CSMD1: variants seen among roughly 807,000 people sequenced by gnomAD.
The protein encoded by CSMD1 is CUB and Sushi multiple domains 1.
Under a neutral mutation model 417.5 loss-of-function variants are expected in CSMD1, and 213 were observed. The ratio of observed to expected loss-of-function variants is 0.51; its 90% CI spans 0.46 to 0.57. CSMD1 has a LOEUF of 0.57. Ranked by LOEUF, CSMD1 falls within the 20% of genes least tolerant of loss-of-function variation. CSMD1 has a pLI of 0.00. For missense variants in CSMD1, 6,923 were observed against 4,529.7 expected (o/e 1.53, Z -15.17); for synonymous variants, 2,862 against 1,736.8 (o/e 1.65, Z -16.11).
intron 2 of CSMD1, among the ~76,000 whole-genome samples, chr8:4,525,664 T>C (rs1796476641): frequency 6.6e-6 from 1 of 152,136 alleles, no homozygotes; most frequent in South Asian, 2.1e-4. Context: ...ACAACCACAA[T>C]TACTTTTGCA....
At chr8:3,488,004 C>A (rs1258324783) in intron 11 of CSMD1, among the ~76,000 whole-genome samples, 1 of 148,102 alleles carries the variant, frequency 6.8e-6, no homozygotes, top group Non-Finnish European at 1.5e-5. Flanking sequence ...AAAAAAGACC[C>A]TACAAACGCA....
chr8:3,848,395 G>A (rs541178125), intron 5 of CSMD1, among the ~76,000 whole-genome samples: 1 of 152,218 alleles, frequency 6.6e-6, no homozygotes, highest in East Asian at 1.9e-4. Flanking sequence ...CCTTCTCTAG[G>A]CATAGTTGGT....
chr8:3,388,094 G>C (rs7008479), intron 17 of CSMD1, among the ~76,000 whole-genome samples: 1 of 151,990 alleles, frequency 6.6e-6, no homozygotes, highest in African/African-American at 2.4e-5. Flanking sequence ...ATATATTCCA[G>C]TTAGATTTTG....
intron 3 of CSMD1, among the ~76,000 whole-genome samples, chr8:4,104,594 T>C (rs1257611196): frequency 6.6e-6 from 1 of 151,396 alleles, no homozygotes. Flanking sequence ...AATAATTGCA[T>C]GAGAACGGTC....
At chr8:3,674,171 G>C (rs1445955167) in intron 7 of CSMD1, among the ~76,000 whole-genome samples, 2 of 152,098 alleles carry the variant, frequency 1.3e-5, no homozygotes, top group Non-Finnish European at 2.9e-5. Context: ...TCATAATGAA[G>C]ACTTCGAGAA....
intron 12 of CSMD1, among the ~76,000 whole-genome samples, chr8:3,451,635 G>C (rs534250279): frequency 6.6e-6 from 1 of 152,028 alleles, no homozygotes. Flanking sequence ...TAGATATATG[G>C]CATTATTTCT....
At chr8:4,462,046 C>T (rs909307586) in intron 2 of CSMD1, among the ~76,000 whole-genome samples, 3 of 151,726 alleles carry the variant, frequency 2.0e-5, no homozygotes, top group African/African-American at 7.3e-5. Context: ...GGCTGCTAAT[C>T]TTATTTTTTA....
chr8:4,926,899 G>T (rs13250150), intron 1 of CSMD1, among the ~76,000 whole-genome samples: 4 of 151,722 alleles, frequency 2.6e-5, no homozygotes, highest in African/African-American at 7.3e-5. Context: ...ATGAGCAAAG[G>T]TAACTTTGTT....
At chr8:3,313,697 T>G (rs1805534561) in intron 23 of CSMD1, among the ~76,000 whole-genome samples, 1 of 152,274 alleles carries the variant, frequency 6.6e-6, no homozygotes, top group South Asian at 2.1e-4. Context: ...TCAACCATTG[T>G]GGAAGTCAGT....
intron 62 of CSMD1, among the ~76,000 whole-genome samples, chr8:2,960,485 G>C (rs1803361180): frequency 6.6e-6 from 1 of 152,196 alleles, no homozygotes; most frequent in African/African-American, 2.4e-5. Flanking sequence ...GAAGTTATGG[G>C]AGTACTTAAG....
At chr8:3,734,982 T>C (rs2129048689) in intron 6 of CSMD1, among the ~76,000 whole-genome samples, 1 of 152,300 alleles carries the variant, frequency 6.6e-6, no homozygotes, top group African/African-American at 2.4e-5. Flanking sequence ...GAGCAATAGC[T>C]CCCCTGTGGT....
At chr8:3,505,467 TAA>T (rs1223345062) in intron 10 of CSMD1, among the ~76,000 whole-genome samples, 2 of 152,116 alleles carry the variant, frequency 1.3e-5, no homozygotes, top group Non-Finnish European at 2.9e-5. Flanking sequence ...CACGACTGAT[TAA>T]AGAGTTGAGA....
At chr8:3,363,885 A>C (rs1809375527) in intron 20 of CSMD1, among the ~76,000 whole-genome samples, 1 of 152,200 alleles carries the variant, frequency 6.6e-6, no homozygotes, top group East Asian at 1.9e-4. Flanking sequence ...AATGTTATGT[A>C]GAATGGGGAT....
chr8:3,432,505 G>A (rs1235460307), intron 12 of CSMD1, among the ~76,000 whole-genome samples: 2 of 142,502 alleles, frequency 1.4e-5, no homozygotes, highest in East Asian at 4.0e-4. Context: ...TTTTCAATAT[G>A]GGCTTTTTTT....
chr8:2,954,746 T>C (rs1802883062), intron 64 of CSMD1, among the ~76,000 whole-genome samples: 1 of 152,240 alleles, frequency 6.6e-6, no homozygotes, highest in Admixed American at 6.5e-5. Flanking sequence ...CAAGTTAGAT[T>C]TACGTCATAA....
At chr8:3,464,900 C>G (rs1400094263) in intron 12 of CSMD1, among the ~76,000 whole-genome samples, 1 of 152,144 alleles carries the variant, frequency 6.6e-6, no homozygotes, top group Non-Finnish European at 1.5e-5. Context: ...CTCAAGAGCT[C>G]TCTTTGTTTT....
intron 3 of CSMD1, among the ~76,000 whole-genome samples, chr8:4,136,348 T>A (rs1803434401): frequency 6.6e-6 from 1 of 152,302 alleles, no homozygotes; most frequent in East Asian, 1.9e-4. Flanking sequence ...TAATAAAATA[T>A]TCATCGCTGA....
At chr8:4,039,161 T>G (rs1443276157) in intron 3 of CSMD1, among the ~76,000 whole-genome samples, 1 of 152,204 alleles carries the variant, frequency 6.6e-6, no homozygotes, top group Non-Finnish European at 1.5e-5. Flanking sequence ...GTACAATCAG[T>G]GGAATTTCAT....
chr8:2,936,229 G>GTATA lies in CSMD1; in HGVS notation c.*2355_*2356insTATA, dbSNP rs1183400981. On this transcript the variant is annotated 3_prime_UTR_variant, in exon 70 of 70. Coordinates refer to ENST00000635120, the MANE Select transcript of CSMD1 (RefSeq NM_033225.6). Reference sequence around the variant, plus strand: ...TAATTTGATATGTGGTTTCTTGTATGTATGTATGTCCTGTCATTTCAGGAT... The same window carrying GTATA: ...TAATTTGATATGTGGTTTCTTGTATGTATATATGTATGTCCTGTCATTTCAGGAT... The GTATA allele has an allele frequency of 2.0e-5, 3 of 151,860 alleles. No homozygotes were observed. The highest frequency in any genetic ancestry group is 7.3e-5 in the African/African-American group (3 of 41,276). The allele number at this position is 151,860 out of a possible 1,614,324, so 9.4% of individuals were successfully genotyped here.
Sources: allele counts gnomAD v4.1 joint callset (sites outside exome capture counted in the v4.1 genomes callset), GRCh38; gene constraint gnomAD v4.1.1; transcripts MANE v1.5; gene names NCBI Gene and HGNC (gene_info 2026-07-23, HGNC 2026-07-21).